Variants in NISCH observed in about 807,000 individuals in gnomAD.
NISCH encodes the protein nischarin, also known as I-1 receptor candidate protein.
In NISCH, 55 loss-of-function variants were observed where a neutral mutation model predicts 138.4. That is an observed-to-expected ratio of 0.40 (90% confidence interval 0.32 to 0.50). NISCH has a LOEUF of 0.50. NISCH is among the 20% of genes least tolerant of loss of function. The probability of loss-of-function intolerance (pLI) is 0.71; values close to 1 mark genes in which losing one functional copy is unlikely to be tolerated. For missense variants in NISCH, 1,643 were observed against 2,005.5 expected, an observed-to-expected ratio of 0.82 and a Z score of 3.45; for synonymous variants, 860 against 861.5, an observed-to-expected ratio of 1.00 and a Z score of 0.03.
At chr3:52,484,462 T>TGGGGGCC in intron 13 of NISCH, 51 bp from the exon 14 acceptor site, 32 of 788,664 alleles carry the variant, frequency 4.1e-5, no homozygotes, top group Non-Finnish European at 5.7e-5. Flanking sequence ...ACAGCCGCTC[T>TGGGGGCC]CCCCGCCCCA....
chr3:52,487,750 T>C lies in NISCH; in HGVS notation c.2258T>C (p.Ile753Thr). Residue 753 changes from isoleucine (I) to threonine (T), a missense_variant, in exon 16 of 21, where the codon ATC (isoleucine) becomes ACC (threonine). By Grantham distance (89) the Ile-to-Thr change is moderately conservative. Coordinates refer to ENST00000345716, the MANE Select transcript of NISCH (RefSeq NM_007184.4). This position sits in a 1 kb window ranked among gnomAD's most constrained non-coding sequence, Gnocchi z 9.1. Reference protein sequence around the residue: ...HQESRGSSQHILSSLRFVFCF... With the variant: ...HQESRGSSQHTLSSLRFVFCF... ...GAGTCTCGGGGCAGCAGCCAGCACA[T>C]CCTCTCCTCCCTGCGCTTTGTCTTT... The C allele has an allele frequency of 6.2e-7, 1 of 1,613,612 alleles. No homozygotes were observed. Among genetic ancestry groups the C allele is most frequent in the Non-Finnish European group, 8.5e-7 (1 of 1,179,968 alleles).
rs375370492 is a variant in NISCH at position 52,476,554 on chromosome 3, G to A, written c.873G>A (p.Thr291=). 39 of 1,613,996 alleles carry A rather than the reference G, an allele frequency of 2.4e-5. No homozygotes were observed. The highest frequency in any genetic ancestry group is 2.9e-5 in the Non-Finnish European group (34 of 1,180,016). ...AVIPTWQALT[T]LDLSHNSVSE... is the part of the protein sequence containing the mutation. ...TCCCCACTTGGCAGGCATTGACCAC[G>A]CTTGACCTGAGCCACAACAGCGTCT... The change falls in exon 8 of 21, where the codon ACG becomes ACA. Residue 291 remains threonine, a synonymous_variant. Transcript: ENST00000345716.
chr3:52,469,567 GACC>G (rs1285230530), intron 3 of NISCH, among the ~76,000 whole-genome samples: 2 of 152,200 alleles, frequency 1.3e-5, no homozygotes, highest in African/African-American at 4.8e-5. Context: ...AGAAGTTCAA[GACC>G]ACCCTGGGCA....
chr3:52,484,518 A>C lies in NISCH; in HGVS notation c.1534A>C (p.Met512Leu), dbSNP rs767917513. 10 of 1,548,270 alleles carry C rather than the reference A, an allele frequency of 6.5e-6. No individual in the cohort carries two copies. Among genetic ancestry groups the C allele is most frequent in the Non-Finnish European group, 8.7e-6 (10 of 1,146,200 alleles). Reference protein sequence around the residue: ...PQPILSNQGIMFVQEEALASS... With the variant: ...PQPILSNQGILFVQEEALASS... ...ACCCGCCCTGGTCTCTCCAGGAATC[A>C]TGTTCGTTCAGGAGGAGGCCCTGGC... Residue 512 changes from methionine (M) to leucine (L), a missense_variant, in exon 14 of 21, where the codon ATG becomes CTG. Transcript: ENST00000345716.
chr3:52,459,319 AGT>A lies in NISCH; in HGVS notation c.360+480_360+481del, dbSNP rs566630001. ...GGTGGACACCTTCCTGTGATGGGAG[AGT>A]GTGTCATAGAACAGCTCTGTACTCC... is the stretch of plus-strand genomic sequence containing the variant. On this transcript the variant is annotated intron_variant, in intron 3 of 20. Transcript: ENST00000345716. Among the ~76,000 whole-genome samples, 5 of 152,276 alleles carry A rather than the reference AGT, an allele frequency of 3.3e-5. No individual in the cohort carries two copies. In the South Asian group the frequency reaches 1.0e-3, roughly 32 times the overall value.
intron 5 of NISCH, among the ~76,000 whole-genome samples, 156 bp from the exon 6 acceptor site, chr3:52,472,147 G>A (rs146925696): frequency 9.2e-5 from 14 of 152,292 alleles, no homozygotes; most frequent in African/African-American, 3.1e-4. Context: ...CCAGGGGGCG[G>A]TCGTGACCCA....
At chr3:52,458,206 G>A (rs1274589852) in intron 2 of NISCH, among the ~76,000 whole-genome samples, 1 of 152,226 alleles carries the variant, frequency 6.6e-6, no homozygotes, top group Non-Finnish European at 1.5e-5. Context: ...CTGGGAAGGG[G>A]ACAGGTTTGA....
intron 11 of NISCH, 104 bp downstream of exon 11, chr3:52,478,681 C>A: frequency 9.0e-7 from 1 of 1,115,984 alleles, no homozygotes; most frequent in Non-Finnish European, 1.3e-6. Context: ...CCCTTGCCTG[C>A]TTCAGAAAGA....
In NISCH at chr3:52,490,907, G is replaced by A. The variant is rs867858610; in HGVS notation, c.3742+74G>A. ...ACCAGTGGGCTTCCACCTTCCGTAC[G>A]TGGGTGGGTTATCATAGACAGTTAT... is the stretch of plus-strand genomic sequence containing the variant. On this transcript the variant is annotated intron_variant, in intron 19 of 20. Transcript: ENST00000345716. 8.8e-5 allele frequency: 140 copies of A among 1,584,444 alleles called. No individual in the cohort carries two copies. In the Middle Eastern group the frequency reaches 1.4e-3, roughly 15 times the overall value.
chr3:52,479,717 C>T, intron 11 of NISCH, 32 bp from the exon 12 acceptor site: 1 of 1,495,294 alleles, frequency 6.7e-7, no homozygotes, highest in Non-Finnish European at 9.3e-7. Context: ...TCACCAGTCC[C>T]CATGCTGATA....
In NISCH at chr3:52,490,779, A is replaced by C; in HGVS notation, c.3688A>C (p.Ser1230Arg). 6.2e-7 allele frequency: 1 copy of C among 1,614,202 alleles called. No homozygotes were observed. Among genetic ancestry groups the C allele is most frequent in the Non-Finnish European group, 8.5e-7 (1 of 1,180,034 alleles). Reference sequence around the variant, plus strand: ...CTCCCAGTGCTTCGTGCTAAAGCTTAGTGACCTGCAGTCAGTCAATGTGGG... The same window carrying C: ...CTCCCAGTGCTTCGTGCTAAAGCTTCGTGACCTGCAGTCAGTCAATGTGGG... ...HISQCFVLKL[S>R]DLQSVNVGLF... The change falls in exon 19 of 21, where the codon AGT becomes CGT. Residue 1230 changes from serine (S) to arginine (R), a missense_variant. Coordinates refer to ENST00000345716, the MANE Select transcript of NISCH (RefSeq NM_007184.4).
intron 1 of NISCH, among the ~76,000 whole-genome samples, chr3:52,457,077 G>A (rs181458425): frequency 8.3e-4 from 127 of 152,302 alleles, no homozygotes; most frequent in African/African-American, 2.9e-3. Context: ...TCAGGCCCAT[G>A]TACAAAGCAT....
At chr3:52,488,724 C>T (rs1453695906) in intron 16 of NISCH, 119 bp downstream of exon 16, 5 of 846,090 alleles carry the variant, frequency 5.9e-6, no homozygotes, top group Non-Finnish European at 7.1e-6. Context: ...CCCTCCCCCC[C>T]TGCCCCTCGC....
chr3:52,473,807 G>A lies in NISCH; in HGVS notation c.743G>A (p.Arg248His), dbSNP rs749466358. The A allele has an allele frequency of 1.2e-5, 20 of 1,608,222 alleles. No homozygotes were observed. The highest frequency in any genetic ancestry group is 1.1e-4 in the African/African-American group (8 of 74,850). ...SKPTLATLSV[R>H]FSATSMKEVL... ...CCCACCTTAGCCACGCTGAGTGTCC[G>A]CTTCTCAGCAACCTCGATGAAGGTA... is the stretch of plus-strand genomic sequence containing the variant. Residue 248 changes from arginine to histidine, a missense_variant, in exon 7 of 21, where the codon CGC becomes CAC. Physicochemically the swap from Arg to His is conservative, Grantham distance 29. Transcript: ENST00000345716.
intron 3 of NISCH, among the ~76,000 whole-genome samples, chr3:52,461,148 G>T (rs548374382): frequency 9.2e-5 from 14 of 152,344 alleles, no homozygotes; most frequent in African/African-American, 3.4e-4. Flanking sequence ...AGAGGCATGA[G>T]AGTCGCTTGA....
At chr3:52,478,968 C>G (rs550175958) in intron 11 of NISCH, among the ~76,000 whole-genome samples, 2 of 152,130 alleles carry the variant, frequency 1.3e-5, no homozygotes, top group Non-Finnish European at 2.9e-5. Flanking sequence ...GACCAGACAC[C>G]CTTAACCAGG....
intron 20 of NISCH, 157 bp from the exon 21 acceptor site, chr3:52,491,715 T>C (rs912705426): frequency 9.1e-7 from 1 of 1,104,374 alleles, no homozygotes; most frequent in Non-Finnish European, 1.3e-6. Flanking sequence ...ACATCTCCAG[T>C]GCCTGCTTTG....
At position 52,490,127 on chromosome 3, in the gene NISCH, A is replaced by G; in HGVS notation, c.3509A>G (p.Gln1170Arg). ...ATGTGGTCCTCGGTGGTGTTCTACCAGACCCCAGGGCTGGAGGTGACTGCC... is the reference window on the plus strand; with the variant it reads ...ATGTGGTCCTCGGTGGTGTTCTACCGGACCCCAGGGCTGGAGGTGACTGCC... ...HLMWSSVVFY[Q>R]TPGLEVTACV... The change falls in exon 18 of 21, where the codon CAG (glutamine) becomes CGG (arginine). Residue 1170 changes from glutamine (Q) to arginine (R), a missense_variant. Physicochemically the swap from Gln to Arg is conservative, Grantham distance 43 (BLOSUM62 1). Transcript: ENST00000345716. 1 of 1,613,652 alleles carries G rather than the reference A, an allele frequency of 6.2e-7. No individual in the cohort carries two copies.
Position 52,471,914 on chromosome 3 carries a change from T to C in NISCH, c.510T>C (p.Ser170=). 1.2e-6 allele frequency: 2 copies of C among 1,612,574 alleles called. No individual in the cohort carries two copies. Among genetic ancestry groups the C allele is most frequent in the Non-Finnish European group, 1.7e-6 (2 of 1,179,130 alleles). The change falls in exon 5 of 21, where the codon AGT becomes AGC. Residue 170 remains serine, a synonymous_variant. Coordinates refer to ENST00000345716, the MANE Select transcript of NISCH (RefSeq NM_007184.4). Reference sequence around the variant, plus strand: ...AGCAGGGAAAGCCCACGTGCGCCAGTGGGGATGCCAAGACCGACCTCGGGC... The same window carrying C: ...AGCAGGGAAAGCCCACGTGCGCCAGCGGGGATGCCAAGACCGACCTCGGGC... ...QLQQGKPTCA[S]GDAKTDLGHI...
Sources: gnomAD v4.1 joint callset for allele counts (sites outside exome capture counted in the v4.1 genomes callset) on GRCh38, gnomAD v4.1.1 for gene constraint, Gnocchi (gnomAD v3.1) non-coding constraint, MANE v1.5 for transcripts, NCBI Gene and HGNC (gene_info 2026-07-23, HGNC 2026-07-21) for gene names.